ARID4B: variants seen among roughly 807,000 people sequenced by gnomAD.
The protein encoded by ARID4B is AT-rich interactive domain-containing protein 4B.
In ARID4B, 26 loss-of-function variants were observed where a neutral mutation model predicts 147.5. The ratio of observed to expected loss-of-function variants is 0.18; its 90% confidence interval spans 0.13 to 0.24. The LOEUF is 0.24. Among genes scored for constraint, ARID4B ranks in the 10% least tolerant of loss-of-function variants. The pLI is 1.00. For missense variants in ARID4B, 1,179 were observed against 1,511.5 expected, an observed-to-expected ratio of 0.78 and a Z score of 3.65; for synonymous variants, 512 against 507.9, an observed-to-expected ratio of 1.01 and a Z score of -0.11.
At chr1:235,173,764 AAAAAAAAAT>A (rs1663580392) in intron 22 of ARID4B, among the ~76,000 whole-genome samples, 1 of 50,872 alleles carries the variant, frequency 2.0e-5, no homozygotes, top group African/African-American at 1.1e-4. Flanking sequence ...AAAAAAAAAA[AAAAAAAAAT>A]ATATATATAT....
chr1:235,310,948 G>A (rs966928905), intron 2 of ARID4B, among the ~76,000 whole-genome samples: 17 of 152,158 alleles, frequency 1.1e-4, no homozygotes, highest in Non-Finnish European at 2.4e-4. Context: ...TGGGATTACA[G>A]GTATAAGCCA....
chr1:235,270,680 G>A (rs530715646), intron 2 of ARID4B, among the ~76,000 whole-genome samples: 19 of 152,338 alleles, frequency 1.2e-4, no homozygotes, highest in Non-Finnish European at 1.5e-4. Context: ...TTAAGGCACT[G>A]TTCTAAGTAT....
At chr1:235,291,681 A>T (rs1672348016) in intron 2 of ARID4B, among the ~76,000 whole-genome samples, 1 of 151,994 alleles carries the variant, frequency 6.6e-6, no homozygotes, top group Non-Finnish European at 1.5e-5. Context: ...ACTAAAAAAT[A>T]CAAAAAATAC....
intron 2 of ARID4B, among the ~76,000 whole-genome samples, chr1:235,266,425 C>T (rs1215433320): frequency 6.6e-6 from 1 of 152,092 alleles, no homozygotes; most frequent in East Asian, 1.9e-4. Context: ...TTATGTAGCA[C>T]CTCCATGCCA....
chr1:235,237,359 T>C (rs1307035185), intron 8 of ARID4B, among the ~76,000 whole-genome samples: 2 of 152,162 alleles, frequency 1.3e-5, no homozygotes, highest in African/African-American at 2.4e-5. Flanking sequence ...TATCTCATAA[T>C]AGGTGTTAGC....
rs1331338277 is a variant in ARID4B, at chr1:235,168,354, G to A, written c.*171C>T. 1.3e-5 allele frequency: 8 copies of A among 637,266 alleles called. No individual in the cohort carries two copies. Among genetic ancestry groups the A allele is most frequent in the Non-Finnish European group, 2.0e-5 (8 of 398,464 alleles). 39.5% of individuals were successfully genotyped at this position (637,266 alleles called of 1,614,324 possible). A position where few individuals can be genotyped will look rare whatever the true frequency, so the allele number is the denominator to read the frequency against. ...ATTGCTTGAGGAAAAGCAGTTCATT[G>A]TACTTTTTCTTCATAAAAAAGTGCA... On this transcript the variant is annotated 3_prime_UTR_variant, in exon 24 of 24. Transcript: ENST00000264183.
chr1:235,305,962 C>T (rs1673516519), intron 2 of ARID4B, among the ~76,000 whole-genome samples: 1 of 152,024 alleles, frequency 6.6e-6, no homozygotes, highest in Non-Finnish European at 1.5e-5. Flanking sequence ...ACTCTGTCTT[C>T]AAATAAGAAA....
intron 2 of ARID4B, among the ~76,000 whole-genome samples, chr1:235,305,342 G>A (rs1179875459): frequency 6.6e-6 from 1 of 152,092 alleles, no homozygotes; most frequent in Non-Finnish European, 1.5e-5. Flanking sequence ...TTCCGGATTT[G>A]TTCAAAACTC....
At chr1:235,267,453 CCAAA>C (rs1670674802) in intron 2 of ARID4B, among the ~76,000 whole-genome samples, 5 of 152,202 alleles carry the variant, frequency 3.3e-5, no homozygotes, top group Admixed American at 2.0e-4. Context: ...CATTTATATA[CCAAA>C]CAGTGTACCA....
chr1:235,200,542 C>T (rs549037310), intron 17 of ARID4B, among the ~76,000 whole-genome samples: 2 of 152,198 alleles, frequency 1.3e-5, no homozygotes, highest in South Asian at 2.1e-4. Flanking sequence ...TAAGAAAGAA[C>T]GTCTTAGACT....
intron 2 of ARID4B, among the ~76,000 whole-genome samples, chr1:235,323,439 C>T (rs146969085): frequency 9.8e-4 from 149 of 152,026 alleles, no homozygotes; most frequent in African/African-American, 3.2e-3. Context: ...TAATAAAAGA[C>T]GTTAATAACA....
At chr1:235,250,218 A>C (rs1459896644) in intron 6 of ARID4B, among the ~76,000 whole-genome samples, 1 of 152,192 alleles carries the variant, frequency 6.6e-6, no homozygotes. Context: ...AGATGGGATT[A>C]ATTTCAGTAG....
chr1:235,229,169 A>G, intron 11 of ARID4B, 62 bp downstream of exon 11: 4 of 1,557,232 alleles, frequency 2.6e-6, no homozygotes, highest in Non-Finnish European at 3.5e-6. Context: ...CCAAATCCTA[A>G]CCCACAAGGG....
intron 10 of ARID4B, among the ~76,000 whole-genome samples, chr1:235,230,711 C>A (rs568944644): frequency 6.6e-6 from 1 of 151,356 alleles, no homozygotes; most frequent in Admixed American, 6.6e-5. Flanking sequence ...TGCCTGAGCT[C>A]AGGAGTTCGA....
intron 7 of ARID4B, among the ~76,000 whole-genome samples, chr1:235,242,856 C>A (rs1050767395): frequency 1.3e-5 from 2 of 152,190 alleles, no homozygotes; most frequent in East Asian, 1.9e-4. Flanking sequence ...CCCCTTCCCC[C>A]TCACCTACTC....
intron 17 of ARID4B, among the ~76,000 whole-genome samples, chr1:235,196,925 C>T (rs1665547162): frequency 1.5e-5 from 1 of 66,282 alleles, no homozygotes. Context: ...GCAAAATCAA[C>T]TAGAAAAAAA....
chr1:235,238,292 T>C (rs997534211), intron 8 of ARID4B, among the ~76,000 whole-genome samples: 4 of 152,164 alleles, frequency 2.6e-5, no homozygotes, highest in South Asian at 2.1e-4. Flanking sequence ...CTAACAAATA[T>C]GTGTTAATCT....
intron 16 of ARID4B, among the ~76,000 whole-genome samples, chr1:235,217,330 G>A (rs1450653163): frequency 1.3e-5 from 2 of 152,076 alleles, no homozygotes; most frequent in Admixed American, 6.6e-5. Flanking sequence ...AGAATGCCAA[G>A]AAAGAGAGCC....
chr1:235,286,631 G>A (rs1299081236), intron 2 of ARID4B, among the ~76,000 whole-genome samples: 1 of 152,156 alleles, frequency 6.6e-6, no homozygotes, highest in Non-Finnish European at 1.5e-5. Context: ...AAGAGCTATA[G>A]TGCATGAGGA....
Sources: allele counts gnomAD v4.1 joint callset (sites outside exome capture counted in the v4.1 genomes callset), GRCh38; gene constraint gnomAD v4.1.1; transcripts MANE v1.5; gene names NCBI Gene and HGNC (gene_info 2026-07-23, HGNC 2026-07-21).